Variants in HPSE2 observed in about 807,000 individuals in gnomAD.
HPSE2 encodes heparanase 2 (inactive).
Under a neutral mutation model 60.5 loss-of-function variants are expected in HPSE2, and 38 were observed. The observed-to-expected ratio is 0.63, with a 90% CI of 0.48 to 0.82. The LOEUF (loss-of-function observed/expected upper bound fraction) is 0.82. HPSE2 is among the 40% of genes least tolerant of loss of function. The probability of loss-of-function intolerance (pLI) is 0.00; values close to 1 mark genes in which losing one functional copy is unlikely to be tolerated. For missense variants in HPSE2, 713 were observed against 740.4 expected, an observed-to-expected ratio of 0.96 and a Z score of 0.43; for synonymous variants, 295 against 293.2, an observed-to-expected ratio of 1.01 and a Z score of -0.06.
chr10:99,144,180 C>CA, intron 3 of HPSE2, 58 bp downstream of exon 3: 4 of 1,569,718 alleles, frequency 2.5e-6, no homozygotes, highest in South Asian at 1.1e-5. Context: ...ATGTGTACCC[C>CA]AAAAAACAAG....
the HPSE2 span, among the ~76,000 whole-genome samples, chr10:99,300,495 T>A: frequency 0.49 from 73,834 of 152,042 alleles, 21,369 homozygotes; most frequent in Non-Finnish European, 0.64. Flanking sequence ...ATCCAAAAAT[T>A]AGGAGATTCA....
intron 3 of HPSE2, among the ~76,000 whole-genome samples, chr10:99,032,866 CT>C (rs1957528574): frequency 6.6e-6 from 1 of 152,218 alleles, no homozygotes; most frequent in South Asian, 2.1e-4. Context: ...CATCTAATCT[CT>C]CACATTTGCT....
At chr10:98,667,874 CG>C (rs1044888621) in intron 6 of HPSE2, among the ~76,000 whole-genome samples, 16 of 152,114 alleles carry the variant, frequency 1.1e-4, no homozygotes, top group Non-Finnish European at 2.9e-5. Flanking sequence ...TGGAACAAGA[CG>C]AGGATGCCCA....
At chr10:99,071,226 C>A (rs559525706) in intron 3 of HPSE2, among the ~76,000 whole-genome samples, 1 of 151,926 alleles carries the variant, frequency 6.6e-6, no homozygotes, top group Non-Finnish European at 1.5e-5. Flanking sequence ...CCCACCACCA[C>A]GCCCAGCTAA....
chr10:98,991,957 T>C (rs1956535854), intron 3 of HPSE2, among the ~76,000 whole-genome samples: 2 of 152,196 alleles, frequency 1.3e-5, no homozygotes, highest in Admixed American at 6.5e-5. Flanking sequence ...TCAATCACCA[T>C]TTTCATTTTA....
chr10:98,875,251 AAAGATT>A (rs1471163131), intron 3 of HPSE2, among the ~76,000 whole-genome samples: 1 of 152,074 alleles, frequency 6.6e-6, no homozygotes, highest in Non-Finnish European at 1.5e-5. Context: ...GTCTTTTTGA[AAAGATT>A]AACAAAATAC....
intron 3 of HPSE2, among the ~76,000 whole-genome samples, chr10:98,883,753 A>C (rs971252057): frequency 6.6e-6 from 1 of 152,136 alleles, no homozygotes; most frequent in Non-Finnish European, 1.5e-5. Flanking sequence ...GTAGTGAACT[A>C]TGATTGCACC....
intron 2 of HPSE2, among the ~76,000 whole-genome samples, chr10:99,180,814 C>T (rs916778023): frequency 2.7e-5 from 4 of 145,518 alleles, no homozygotes; most frequent in South Asian, 2.2e-4. Flanking sequence ...GGCTTGAATC[C>T]GGGAGCCAGA....
intron 10 of HPSE2, among the ~76,000 whole-genome samples, chr10:98,483,563 C>T (rs1941326729): frequency 6.6e-6 from 1 of 152,082 alleles, no homozygotes. Context: ...CAGTTCATTC[C>T]CAGTGGTGCA....
chr10:99,286,512 T>C, the HPSE2 span, among the ~76,000 whole-genome samples: 65 of 152,136 alleles, frequency 4.3e-4, 1 homozygote, highest in East Asian at 0.013. Flanking sequence ...GAAAATAGAT[T>C]AGTGGTCACC....
At chr10:99,263,243 C>A in the HPSE2 span, among the ~76,000 whole-genome samples, 1 of 152,166 alleles carries the variant, frequency 6.6e-6, no homozygotes, top group Admixed American at 6.5e-5. Context: ...GTAGGCTATG[C>A]TATAGTATCT....
At chr10:99,310,451 T>A in the HPSE2 span, among the ~76,000 whole-genome samples, 1 of 152,236 alleles carries the variant, frequency 6.6e-6, no homozygotes, top group Non-Finnish European at 1.5e-5. Context: ...TCTTTGCTCA[T>A]CATTAATTAA....
chr10:98,630,194 T>G (rs1317299133), intron 7 of HPSE2, among the ~76,000 whole-genome samples: 2 of 148,374 alleles, frequency 1.3e-5, no homozygotes, highest in South Asian at 4.3e-4. Context: ...TTTTTTTTTT[T>G]GTTTTTTTTT....
chr10:99,278,290 T>G, the HPSE2 span, among the ~76,000 whole-genome samples: 1 of 152,144 alleles, frequency 6.6e-6, no homozygotes, highest in Non-Finnish European at 1.5e-5. Flanking sequence ...ATTTCCAAAA[T>G]GTTCTATAAT....
chr10:98,574,739 T>A (rs1300427029), intron 9 of HPSE2, among the ~76,000 whole-genome samples: 1 of 152,172 alleles, frequency 6.6e-6, no homozygotes, highest in Non-Finnish European at 1.5e-5. Context: ...TTGTCCTCAT[T>A]TCCTACTAAT....
intron 3 of HPSE2, chr10:99,047,741 A>T: frequency 1.2e-6 from 1 of 858,792 alleles, no homozygotes; most frequent in Non-Finnish European, 2.0e-6. Context: ...GTGCCTGAGA[A>T]AGAAGTTTGC....
At chr10:98,653,205 T>C (rs1194903243) in intron 6 of HPSE2, among the ~76,000 whole-genome samples, 2 of 152,206 alleles carry the variant, frequency 1.3e-5, no homozygotes, top group Non-Finnish European at 2.9e-5. Flanking sequence ...GTGCATGGTG[T>C]ACTTCTCTCT....
intron 3 of HPSE2, among the ~76,000 whole-genome samples, chr10:99,050,130 C>CTCTA (rs1957955894): frequency 1.3e-5 from 2 of 152,120 alleles, no homozygotes; most frequent in South Asian, 4.1e-4. Context: ...GAGACCTCAT[C>CTCTA]TCTACAAAAA....
At chr10:98,538,164 C>T (rs143238169) in intron 9 of HPSE2, among the ~76,000 whole-genome samples, 128 of 152,274 alleles carry the variant, frequency 8.4e-4, no homozygotes, top group African/African-American at 2.8e-3. Context: ...GGGCCACTAC[C>T]GGTCTCTGCG....
Sources: gnomAD v4.1 joint callset for allele counts (sites outside exome capture counted in the v4.1 genomes callset) on GRCh38, gnomAD v4.1.1 for gene constraint, MANE v1.5 for transcripts, NCBI Gene and HGNC (gene_info 2026-07-23, HGNC 2026-07-21) for gene names.